LHPP: variants seen among roughly 807,000 people sequenced by gnomAD.
LHPP encodes the protein phospholysine phosphohistidine inorganic pyrophosphate phosphatase.
In LHPP, 24 loss-of-function variants were observed where a neutral mutation model predicts 30.3. That is an observed-to-expected ratio of 0.79 (90% confidence interval 0.57 to 1.11). The LOEUF is 1.11. Ranked by LOEUF, LHPP falls within the 50% of genes most tolerant of loss-of-function variation. The probability of loss-of-function intolerance (pLI) is 0.00; values close to 1 mark genes in which losing one functional copy is unlikely to be tolerated. For missense variants in LHPP, 356 were observed against 367.2 expected (o/e 0.97, Z 0.25); for synonymous variants, 150 against 157.1 (o/e 0.95, Z 0.34).
Position 124,517,009 on chromosome 10 carries a change from C to T in LHPP, c.625-171C>T, listed in dbSNP as rs1038457585. ...CTACGGGGGCAGTGTGAGATATATT[C>T]AAGGTGGGTTGACTTTTAATCAATA... On this transcript the variant is annotated intron_variant, in intron 5 of 6. Coordinates refer to ENST00000368842, the MANE Select transcript of LHPP (RefSeq NM_022126.4). This position sits in a 1 kb window ranked among gnomAD's most constrained non-coding sequence, Gnocchi z 4.1. 2.0e-5 allele frequency among the ~76,000 whole-genome samples: 3 copies of T among 152,114 alleles called. No individual in the cohort carries two copies. The highest frequency in any genetic ancestry group is 2.1e-4 in the South Asian group (1 of 4,828).
At chr10:124,563,583 T>TA (rs1470965447) in intron 6 of LHPP, among the ~76,000 whole-genome samples, 2 of 152,194 alleles carry the variant, frequency 1.3e-5, no homozygotes, top group African/African-American at 4.8e-5. Context: ...AGCTTCTTTA[T>TA]TTCACTGTAT....
rs573717284 is a variant in LHPP, at chr10:124,600,331, TG to T, written c.717-12932del. On this transcript the variant is annotated intron_variant, in intron 6 of 6. Coordinates refer to ENST00000368842, the MANE Select transcript of LHPP (RefSeq NM_022126.4). ...CTAGGCCCCTGCCCTGGGGCACTGGTGCCTGCTTCGCCAAAGGCACAGAGGG... is the reference window on the plus strand; with the variant it reads ...CTAGGCCCCTGCCCTGGGGCACTGGTCCTGCTTCGCCAAAGGCACAGAGGG... 1.4e-4 allele frequency among the ~76,000 whole-genome samples: 21 copies of T among 152,358 alleles called. No individual in the cohort carries two copies. The East Asian group carries it at 4.1e-3, about 29-fold the overall frequency.
chr10:124,609,061 G>C (rs1478815348), intron 6 of LHPP, among the ~76,000 whole-genome samples: 2 of 152,202 alleles, frequency 1.3e-5, no homozygotes, highest in Non-Finnish European at 2.9e-5. Context: ...CGGTGGACAG[G>C]CCAGCCCAGG....
chr10:124,562,437 A>T (rs1039230391), intron 6 of LHPP, among the ~76,000 whole-genome samples: 16 of 152,238 alleles, frequency 1.1e-4, no homozygotes, highest in Non-Finnish European at 2.4e-4. Flanking sequence ...TCAAGGGGAC[A>T]GAGGAAAGAG....
At chr10:124,468,824 G>C (rs1034492181) in intron 1 of LHPP, among the ~76,000 whole-genome samples, 1 of 152,176 alleles carries the variant, frequency 6.6e-6, no homozygotes, top group Non-Finnish European at 1.5e-5. Flanking sequence ...CTCAGGGCCC[G>C]GGAAGCTCCG....
rs1264027729 is a variant in LHPP, at chr10:124,523,657, G to T, written c.716+6386G>T. ...AAGTGAGTGGCTAGCAAGCAGGGGG[G>T]TCCAGGCTGTGGTGGCCCTGGTCAG... On this transcript the variant is annotated intron_variant, in intron 6 of 6. Coordinates refer to ENST00000368842, the MANE Select transcript of LHPP (RefSeq NM_022126.4). The surrounding 1 kb of genome is among the most constrained non-coding windows in gnomAD (Gnocchi z 4.2). Among the ~76,000 whole-genome samples, 1 of 152,222 alleles carries T rather than the reference G, an allele frequency of 6.6e-6. No homozygotes were observed. Among genetic ancestry groups the T allele is most frequent in the Admixed American group, 6.5e-5 (1 of 15,284 alleles).
chr10:124,526,620 G>A (rs1300453842), intron 6 of LHPP, among the ~76,000 whole-genome samples: 2 of 151,298 alleles, frequency 1.3e-5, no homozygotes, highest in Admixed American at 1.3e-4. Flanking sequence ...CCCCCGCTTT[G>A]GCCCCCTCCA....
At chr10:124,583,563 C>T (rs1391581471) in intron 6 of LHPP, among the ~76,000 whole-genome samples, 1 of 152,188 alleles carries the variant, frequency 6.6e-6, no homozygotes, top group Admixed American at 6.5e-5. Context: ...GAAAGTAAAG[C>T]AGCATCTGCT....
chr10:124,499,056 T>G (rs1953825320), intron 5 of LHPP, among the ~76,000 whole-genome samples: 1 of 149,718 alleles, frequency 6.7e-6, no homozygotes, highest in African/African-American at 2.5e-5. Flanking sequence ...AATTTTTTAT[T>G]TTTAGTAGAG....
At chr10:124,567,767 G>A (rs996515119) in intron 6 of LHPP, among the ~76,000 whole-genome samples, 3 of 152,192 alleles carry the variant, frequency 2.0e-5, no homozygotes, top group African/African-American at 4.8e-5. Flanking sequence ...ATGTGCACGC[G>A]CATGCAACGC....
rs34839158 is a variant in LHPP, at chr10:124,481,373, C to CTTTT, written c.126-2748_126-2745dup. Among the ~76,000 whole-genome samples the CTTTT allele has an allele frequency of 8.6e-4, 73 of 85,002 alleles. 2 individuals are homozygous for CTTTT. The highest frequency in any genetic ancestry group is 1.6e-3 in the East Asian group (4 of 2,568). The allele number at this position is 85,002 out of a possible 152,430, so 55.8% of individuals were successfully genotyped here. On this transcript the variant is annotated intron_variant, in intron 1 of 6. Coordinates refer to ENST00000368842, the MANE Select transcript of LHPP (RefSeq NM_022126.4). ...GAATCGTGCCTGGCTTATCTGCCCC[C>CTTTT]TTTTTTTTTTTTTTTTTTTTTGCGA...
chr10:124,498,010 T>A (rs769173807), intron 4 of LHPP, 26 bp from the exon 5 acceptor site: 2 of 1,584,924 alleles, frequency 1.3e-6, no homozygotes, highest in Non-Finnish European at 1.7e-6. Context: ...CCCAAACTTA[T>A]GCCATGTCCC....
In LHPP at chr10:124,533,647, C is replaced by T. The variant is rs1392368990; in HGVS notation, c.716+16376C>T. On this transcript the variant is annotated intron_variant, in intron 6 of 6. Coordinates refer to ENST00000368842, the MANE Select transcript of LHPP (RefSeq NM_022126.4). The stretch of plus-strand genomic sequence containing the variant: ...CCCTGCCTCTGTCCTCCCTTACCCC[C>T]GTGTGAGTGGACAAACCCCCCGTCC... Among the ~76,000 whole-genome samples, 5 of 152,354 alleles carry T rather than the reference C, an allele frequency of 3.3e-5. No individual in the cohort carries two copies. In the South Asian group the frequency reaches 8.3e-4, roughly 25 times the overall value.
intron 6 of LHPP, among the ~76,000 whole-genome samples, chr10:124,520,214 A>G (rs1452472877): frequency 6.6e-6 from 1 of 151,720 alleles, no homozygotes; most frequent in African/African-American, 2.4e-5. Flanking sequence ...ATGGGGGTTT[A>G]TTGTACAGAT....
intron 6 of LHPP, among the ~76,000 whole-genome samples, chr10:124,532,097 T>C (rs1031974789): frequency 6.6e-6 from 1 of 152,262 alleles, no homozygotes; most frequent in African/African-American, 2.4e-5. Context: ...TGGCAGCCCC[T>C]TCAGGCTGGC....
At chr10:124,538,941 G>T (rs1334271144) in intron 6 of LHPP, among the ~76,000 whole-genome samples, 1 of 152,168 alleles carries the variant, frequency 6.6e-6, no homozygotes, top group Non-Finnish European at 1.5e-5. Context: ...ACATTTCAAG[G>T]CCCTTCATTT....
At chr10:124,557,211 G>T (rs1405796039) in intron 6 of LHPP, among the ~76,000 whole-genome samples, 1 of 152,260 alleles carries the variant, frequency 6.6e-6, no homozygotes, top group African/African-American at 2.4e-5. Flanking sequence ...GTACCATGAG[G>T]TGTTGGTGTG....
intron 1 of LHPP, among the ~76,000 whole-genome samples, chr10:124,474,734 A>G (rs922914131): frequency 6.6e-6 from 1 of 151,758 alleles, no homozygotes; most frequent in South Asian, 2.1e-4. Context: ...CGATGTGAAC[A>G]TGCCGTTGGG....
At chr10:124,507,634 G>T (rs1430992320) in intron 5 of LHPP, among the ~76,000 whole-genome samples, 1 of 39,966 alleles carries the variant, frequency 2.5e-5, no homozygotes, top group Non-Finnish European at 4.2e-5. Flanking sequence ...GTGGAGGGTA[G>T]ACAGGATTTC....
Sources: gnomAD v4.1 joint callset for allele counts (sites outside exome capture counted in the v4.1 genomes callset) on GRCh38, gnomAD v4.1.1 for gene constraint, Gnocchi (gnomAD v3.1) non-coding constraint, MANE v1.5 for transcripts, NCBI Gene and HGNC (gene_info 2026-07-23, HGNC 2026-07-21) for gene names.